The following CLVS1 variants were observed in gnomAD, a reference collection of about 807,000 sequenced individuals.
The protein encoded by CLVS1 is clavesin-1.
Under a neutral mutation model 33.1 loss-of-function variants are expected in CLVS1, and 10 were observed. The ratio of observed to expected loss-of-function variants is 0.30; its 90% CI spans 0.19 to 0.51. CLVS1 has a LOEUF of 0.51. Ranked by LOEUF, CLVS1 falls within the 20% of genes least tolerant of loss-of-function variation. The pLI, the probability that CLVS1 is intolerant of heterozygous loss-of-function variation, is 0.97. For synonymous variants in CLVS1, 163 were observed against 166.1 expected (o/e 0.98, Z 0.14); for missense variants, 343 against 433.4 (o/e 0.79, Z 1.85).
intron 1 of CLVS1, among the ~76,000 whole-genome samples, chr8:61,069,581 G>T (rs1298041122): frequency 6.6e-6 from 1 of 152,074 alleles, no homozygotes; most frequent in Non-Finnish European, 1.5e-5. Flanking sequence ...GTCTTCCTCT[G>T]CATCTCATGC....
chr8:61,072,966 G>A (rs1388229502), intron 1 of CLVS1, among the ~76,000 whole-genome samples: 6 of 152,048 alleles, frequency 3.9e-5, no homozygotes, highest in Admixed American at 3.9e-4. Context: ...GCTATCCTCT[G>A]TTCATCATAT....
chr8:61,013,202 C>G, the CLVS1 span, among the ~76,000 whole-genome samples: 1 of 152,194 alleles, frequency 6.6e-6, no homozygotes, highest in African/African-American at 2.4e-5. Context: ...GACCCTCCCC[C>G]ATAACCACTG....
At chr8:61,478,027 C>T (rs1005866283) in intron 5 of CLVS1, among the ~76,000 whole-genome samples, 16 of 152,170 alleles carry the variant, frequency 1.1e-4, no homozygotes, top group Admixed American at 7.9e-4. Context: ...TCTTTGTTCT[C>T]ACTGGTTTCA....
chr8:61,295,906 A>G (rs1419907461), intron 1 of CLVS1, among the ~76,000 whole-genome samples: 1 of 152,170 alleles, frequency 6.6e-6, no homozygotes, highest in Admixed American at 6.5e-5. Context: ...CATAATAAAT[A>G]CCTATAATAA....
chr8:61,233,046 CT>C (rs1808479741), intron 2 of CLVS1, among the ~76,000 whole-genome samples: 2 of 152,154 alleles, frequency 1.3e-5, no homozygotes, highest in South Asian at 4.1e-4. Context: ...TGTGTTAACA[CT>C]TTTCAAAAAC....
intron 2 of CLVS1, among the ~76,000 whole-genome samples, chr8:61,242,856 T>C (rs1427122524): frequency 6.6e-6 from 1 of 152,188 alleles, no homozygotes. Context: ...TGCTGACCTT[T>C]CCTTTCTTTC....
chr8:61,244,886 G>C (rs556239913), intron 2 of CLVS1, among the ~76,000 whole-genome samples: 3 of 152,094 alleles, frequency 2.0e-5, no homozygotes, highest in African/African-American at 7.2e-5. Flanking sequence ...ACTGCAAAAA[G>C]TCTATTGATT....
chr8:61,226,808 A>G (rs1436337800), intron 2 of CLVS1, among the ~76,000 whole-genome samples: 1 of 152,138 alleles, frequency 6.6e-6, no homozygotes, highest in Admixed American at 6.5e-5. Flanking sequence ...AGCAGTGATA[A>G]CTCACACCCA....
chr8:61,177,366 A>C (rs1201003804), intron 2 of CLVS1, among the ~76,000 whole-genome samples: 7 of 152,218 alleles, frequency 4.6e-5, no homozygotes, highest in African/African-American at 1.7e-4. Context: ...AGGGGTGGCC[A>C]TAGTCTCCAT....
At chr8:61,169,477 TTGTC>T (rs1806948090) in intron 2 of CLVS1, among the ~76,000 whole-genome samples, 1 of 152,198 alleles carries the variant, frequency 6.6e-6, no homozygotes, top group African/African-American at 2.4e-5. Context: ...TCAAAAGTCA[TTGTC>T]TGTGCTCAGA....
intron 2 of CLVS1, among the ~76,000 whole-genome samples, chr8:61,353,561 G>T (rs778352375): frequency 1.3e-5 from 2 of 151,578 alleles, no homozygotes; most frequent in Non-Finnish European, 2.9e-5. Context: ...AAATGAAAAC[G>T]CAGCATATCC....
At chr8:61,350,058 G>A (rs1426019515) in intron 2 of CLVS1, among the ~76,000 whole-genome samples, 1 of 152,088 alleles carries the variant, frequency 6.6e-6, no homozygotes, top group Non-Finnish European at 1.5e-5. Flanking sequence ...ATTAATATAT[G>A]TTGGTCAAAG....
chr8:61,300,023 A>G lies in CLVS1; in HGVS notation c.196A>G (p.Ile66Val), dbSNP rs766720972. Residue 66 changes from isoleucine to valine, a missense_variant, in exon 2 of 6, where the codon ATT becomes GTT. Ile to Val is a conservative substitution (Grantham distance 29, BLOSUM62 3). This residue lies in a region of CLVS1 where 166 missense variants were observed against 244.0 expected (regional missense o/e 0.68). Coordinates refer to ENST00000325897, the MANE Select transcript of CLVS1 (RefSeq NM_173519.3). ...VRDMIITRPDIGFLRTDDAFI... is the reference protein window; with the variant it reads ...VRDMIITRPDVGFLRTDDAFI... The stretch of plus-strand genomic sequence containing the variant: ...GGACATGATCATCACCAGGCCTGAC[A>G]TTGGATTTTTACGTACAGATGATGC... The G allele has an allele frequency of 1.2e-6, 2 of 1,614,046 alleles. No individual in the cohort carries two copies. The highest frequency in any genetic ancestry group is 2.2e-5 in the South Asian group (2 of 91,076).
chr8:61,389,405 G>A (rs1359856784), intron 3 of CLVS1, among the ~76,000 whole-genome samples: 1 of 152,148 alleles, frequency 6.6e-6, no homozygotes, highest in African/African-American at 2.4e-5. Flanking sequence ...GCCAGATGTG[G>A]TGGCACATGC....
intron 2 of CLVS1, among the ~76,000 whole-genome samples, chr8:61,342,449 C>T (rs914195829): frequency 6.6e-6 from 1 of 152,194 alleles, no homozygotes; most frequent in Non-Finnish European, 1.5e-5. Context: ...CCCTGAGAAG[C>T]GCTTGTCTGC....
Position 61,066,656 on chromosome 8 carries a change from G to A in CLVS1, c.-243+9426G>A, listed in dbSNP as rs572318093. ...GAGCATCATTCTCCAGAATGCCCCTGTGGGTCAACGGAGGTTGCCCTGAAA... is the reference window on the plus strand; with the variant it reads ...GAGCATCATTCTCCAGAATGCCCCTATGGGTCAACGGAGGTTGCCCTGAAA... On this transcript the variant is annotated intron_variant, in intron 1 of 2. Coordinates refer to the CLVS1 transcript ENST00000522621. Among the ~76,000 whole-genome samples, 4 of 152,312 alleles carry A rather than the reference G, an allele frequency of 2.6e-5. No individual in the cohort carries two copies. In the South Asian group the frequency reaches 6.2e-4, roughly 24 times the overall value.
upstream of CLVS1, among the ~76,000 whole-genome samples, chr8:61,284,847 A>G (rs908519390): frequency 3.3e-5 from 5 of 152,190 alleles, no homozygotes; most frequent in African/African-American, 1.2e-4. Flanking sequence ...GTGGTTTAGA[A>G]TGTCTCAAAG....
At chr8:61,293,340 A>G (rs1312473773) in intron 1 of CLVS1, among the ~76,000 whole-genome samples, 2 of 152,190 alleles carry the variant, frequency 1.3e-5, no homozygotes, top group Admixed American at 6.5e-5. Context: ...CTTTTTACCC[A>G]CAGGTCTGAT....
chr8:60,997,299 A>T, the CLVS1 span, among the ~76,000 whole-genome samples: 820 of 152,262 alleles, frequency 5.4e-3, 5 homozygotes, highest in Non-Finnish European at 9.7e-3. Context: ...GCCGGCAGAC[A>T]TGCTGGGAAT....
Sources: allele counts gnomAD v4.1 joint callset (sites outside exome capture counted in the v4.1 genomes callset), GRCh38; gene constraint gnomAD v4.1.1; regional missense constraint gnomAD v4.1.1; transcripts MANE v1.5; gene names NCBI Gene and HGNC (gene_info 2026-07-23, HGNC 2026-07-21).